ATR: variants seen among roughly 807,000 people sequenced by gnomAD.
The protein encoded by ATR is ATR checkpoint kinase.
A neutral mutation model predicts 305.3 loss-of-function variants in ATR; 142 were observed. That is an observed-to-expected ratio of 0.47 (90% confidence interval 0.41 to 0.53). The LOEUF (loss-of-function observed/expected upper bound fraction) is 0.53. ATR is among the 20% of genes least tolerant of loss of function. The pLI is 0.00. For missense variants in ATR, 2,135 were observed against 3,133.1 expected (o/e 0.68, Z 7.60); for synonymous variants, 1,050 against 1,068.1 (o/e 0.98, Z 0.33).
At chr3:142,465,018 C>A (rs2108270495) in intron 41 of ATR, 79 bp downstream of exon 41, 1 of 965,910 alleles carries the variant, frequency 1.0e-6, no homozygotes, top group South Asian at 3.7e-5. Context: ...GAAATAAAAG[C>A]AATCTGGTTT....
At chr3:142,501,456 C>T (rs746159277) in intron 30 of ATR, among the ~76,000 whole-genome samples, 1 of 152,134 alleles carries the variant, frequency 6.6e-6, no homozygotes, top group African/African-American at 2.4e-5. Flanking sequence ...CTTCTCTGCC[C>T]TTAGACATTG....
chr3:142,511,613 G>A (rs2108368819), intron 27 of ATR, among the ~76,000 whole-genome samples: 1 of 151,912 alleles, frequency 6.6e-6, no homozygotes, highest in South Asian at 2.1e-4. Flanking sequence ...CCAAGATCCT[G>A]TCACTGCACT....
intron 3 of ATR, among the ~76,000 whole-genome samples, chr3:142,565,620 G>T (rs2108492609): frequency 6.6e-6 from 1 of 151,182 alleles, no homozygotes; most frequent in South Asian, 2.1e-4. Flanking sequence ...CTGAAGCCAG[G>T]CACAGTAGCA....
chr3:142,472,321 T>G (rs921889961), intron 36 of ATR: 7 of 152,196 alleles, frequency 4.6e-5, no homozygotes, highest in African/African-American at 1.7e-4. Context: ...TATTTCTATT[T>G]TTAATTTTTA....
chr3:142,509,468 G>A (rs1039870491), intron 27 of ATR, among the ~76,000 whole-genome samples: 19 of 151,356 alleles, frequency 1.3e-4, no homozygotes, highest in Non-Finnish European at 2.2e-4. Flanking sequence ...CTAGCCTAAG[G>A]TAGTATATTC....
chr3:142,533,402 G>C lies in ATR; in HGVS notation c.3945+1678C>G, dbSNP rs1559971017. Among the ~76,000 whole-genome samples, 3 of 152,334 alleles carry C rather than the reference G, an allele frequency of 2.0e-5. No individual in the cohort carries two copies. In the South Asian group the frequency reaches 6.2e-4, roughly 32 times the overall value. On this transcript the variant is annotated intron_variant, in intron 21 of 46. Coordinates refer to ENST00000350721, the MANE Select transcript of ATR (RefSeq NM_001184.4). ...TCAAGAGAGCCACATGTGGCTAGTG[G>C]CTACTGCTGAAGAGTATAGATATAG...
At chr3:142,450,786 GA>G in intron 46 of ATR, 1 of 1,442,606 alleles carries the variant, frequency 6.9e-7, no homozygotes, top group Non-Finnish European at 9.2e-7. Flanking sequence ...ACACTGCGTG[GA>G]CAGAACATGT....
At chr3:142,573,290 T>C (rs1014511604) in intron 1 of ATR, among the ~76,000 whole-genome samples, 2 of 150,588 alleles carry the variant, frequency 1.3e-5, no homozygotes, top group Admixed American at 1.3e-4. Context: ...TACTAAAAGA[T>C]AGAAAAATTA....
chr3:142,509,403 A>T (rs1043976059), intron 27 of ATR, among the ~76,000 whole-genome samples: 1 of 151,996 alleles, frequency 6.6e-6, no homozygotes, highest in Non-Finnish European at 1.5e-5. Context: ...AGCTCAAGTG[A>T]TCCTCCTGCC....
Position 142,519,661 on chromosome 3 carries a change from C to T in ATR, c.4382+8G>A. 6.3e-7 allele frequency: 1 copy of T among 1,587,960 alleles called. No homozygotes were observed. Among genetic ancestry groups the T allele is most frequent in the Non-Finnish European group, 8.6e-7 (1 of 1,156,372 alleles). Reference sequence around the variant, plus strand: ...TTTTATGAAAATACATTAAATAAGCCTACATACCTGGTATTTAGATGAGGT... The same window carrying T: ...TTTTATGAAAATACATTAAATAAGCTTACATACCTGGTATTTAGATGAGGT... On this transcript the variant is annotated splice_region_variant and intron_variant, in intron 24 of 46. Coordinates refer to ENST00000350721, the MANE Select transcript of ATR (RefSeq NM_001184.4).
intron 36 of ATR, among the ~76,000 whole-genome samples, chr3:142,474,448 G>A (rs1456907908): frequency 6.6e-6 from 1 of 151,794 alleles, no homozygotes; most frequent in African/African-American, 2.4e-5. Flanking sequence ...TAGGTCTTTT[G>A]CCTTGTATTT....
Position 142,513,537 on chromosome 3 carries a change from A to G in ATR, c.4605T>C (p.Tyr1535=). 6.2e-7 allele frequency: 1 copy of G among 1,613,344 alleles called. No homozygotes were observed. The highest frequency in any genetic ancestry group is 1.1e-5 in the South Asian group (1 of 91,064). Residue 1535 remains tyrosine (Y), a synonymous_variant, in exon 26 of 47, where the codon TAT becomes TAC. Transcript: ENST00000350721. Reference sequence around the variant, plus strand: ...CTTCTTGATTACAACCCAGTAAGACATACACCAGAATATGTGGAAGAAGAT... The same window carrying G: ...CTTCTTGATTACAACCCAGTAAGACGTACACCAGAATATGTGGAAGAAGAT... ...TIYLLPHILV[Y]VLLGCNQEDQ... is the part of the protein sequence containing the mutation.
chr3:142,543,172 G>A (rs1208940776), intron 16 of ATR, among the ~76,000 whole-genome samples: 2 of 152,106 alleles, frequency 1.3e-5, no homozygotes, highest in Non-Finnish European at 2.9e-5. Context: ...AGAAAAGTAC[G>A]ATTAAGGAAA....
chr3:142,450,287 C>T (rs938182929), intron 46 of ATR: 10 of 842,780 alleles, frequency 1.2e-5, no homozygotes, highest in Non-Finnish European at 2.0e-5. Context: ...AGTTGCAAAC[C>T]AGCTGCCGCT....
intron 21 of ATR, among the ~76,000 whole-genome samples, chr3:142,529,019 G>T (rs1577640359): frequency 6.7e-6 from 1 of 149,750 alleles, no homozygotes; most frequent in East Asian, 2.0e-4. Context: ...GAGCAGCTGG[G>T]ATTACAGGTG....
chr3:142,559,468 C>T lies in ATR; in HGVS notation c.1542-27G>A, dbSNP rs1222155502. The T allele has an allele frequency of 2.5e-6, 4 of 1,602,664 alleles. No homozygotes were observed. In the African/African-American group the frequency reaches 5.4e-5, roughly 21 times the overall value. ...TGCAGTAAGTACATTTTGTTAAAAA[C>T]ATTGGAATTAAGATGAATTTTGTTA... On this transcript the variant is annotated intron_variant, in intron 6 of 46. Transcript: ENST00000350721.
At chr3:142,523,281 G>A (rs2033231024) in intron 22 of ATR, among the ~76,000 whole-genome samples, 1 of 151,986 alleles carries the variant, frequency 6.6e-6, no homozygotes, top group Non-Finnish European at 1.5e-5. Flanking sequence ...TTAGCCAGGC[G>A]TGGTGGTGCA....
At chr3:142,498,295 A>C (rs2031758470) in intron 32 of ATR, among the ~76,000 whole-genome samples, 1 of 152,250 alleles carries the variant, frequency 6.6e-6, no homozygotes. Flanking sequence ...CCAATGTGCC[A>C]GGTGCTATAG....
rs999287193 is a variant in ATR at position 142,452,868 on chromosome 3, C to G, written c.7761+260G>C. 11 of 1,313,192 alleles carry G rather than the reference C, an allele frequency of 8.4e-6. No homozygotes were observed. The African/African-American group carries it at 1.6e-4, about 20-fold the overall frequency. 81.3% of individuals were successfully genotyped at this position (1,313,192 alleles called of 1,614,324 possible). A position where few individuals can be genotyped will look rare whatever the true frequency, so the allele number is the denominator to read the frequency against. ...TGTACTATAGTTTTTCCTACTGTAT[C>G]TCATAACTGTGAATTGTCTATGGTT... On this transcript the variant is annotated intron_variant, in intron 46 of 46. Coordinates refer to ENST00000350721, the MANE Select transcript of ATR (RefSeq NM_001184.4).
Sources: allele counts gnomAD v4.1 joint callset (sites outside exome capture counted in the v4.1 genomes callset), GRCh38; gene constraint gnomAD v4.1.1; transcripts MANE v1.5; gene names NCBI Gene and HGNC (gene_info 2026-07-23, HGNC 2026-07-21).